SMURF1: variants seen among roughly 807,000 people sequenced by gnomAD.
SMURF1 encodes the protein SMAD specific E3 ubiquitin protein ligase 1, also known as E3 ubiquitin-protein ligase SMURF1.
A neutral mutation model predicts 98.0 loss-of-function variants in SMURF1; 44 were observed. The observed-to-expected ratio is 0.45, with a 90% CI of 0.35 to 0.58. The LOEUF is 0.58. SMURF1 is among the 20% of genes least tolerant of loss of function. The pLI, the probability that SMURF1 is intolerant of heterozygous loss-of-function variation, is 0.00. For synonymous variants in SMURF1, 396 were observed against 374.9 expected, an observed-to-expected ratio of 1.06 and a Z score of -0.65; for missense variants, 687 against 938.4, an observed-to-expected ratio of 0.73 and a Z score of 3.50.
At chr7:99,104,475 CACG>C (rs1242323639) in intron 1 of SMURF1, among the ~76,000 whole-genome samples, 2 of 152,106 alleles carry the variant, frequency 1.3e-5, no homozygotes, top group African/African-American at 4.8e-5. Context: ...CTTACTAACC[CACG>C]TGATCTTGGG....
rs540643661 is a variant in SMURF1 at position 99,134,477 on chromosome 7, T to C, written c.55+9249A>G. On this transcript the variant is annotated intron_variant, in intron 1 of 17. Transcript: ENST00000361368. ...AATTTGTAGGTAATATATGTAGAAA[T>C]AAAATTGAGTAAACTTTGGATTTTT... Among the ~76,000 whole-genome samples the C allele has an allele frequency of 2.0e-5, 3 of 152,240 alleles. No homozygotes were observed. The East Asian group carries it at 5.8e-4, about 29-fold the overall frequency.
intron 1 of SMURF1, among the ~76,000 whole-genome samples, chr7:99,119,003 A>ATTTT (rs67705340): frequency 5.1e-4 from 22 of 42,928 alleles, no homozygotes; most frequent in African/African-American, 1.3e-3. Flanking sequence ...TAACATGCCA[A>ATTTT]TTTTTTTTTT....
intron 1 of SMURF1, among the ~76,000 whole-genome samples, chr7:99,084,778 C>T (rs775313728): frequency 5.9e-5 from 9 of 152,130 alleles, no homozygotes; most frequent in Non-Finnish European, 1.0e-4. Flanking sequence ...GCACAGCTAC[C>T]CTTACTGATA....
intron 1 of SMURF1, among the ~76,000 whole-genome samples, chr7:99,111,376 A>C (rs150397522): frequency 4.6e-5 from 7 of 152,384 alleles, no homozygotes; most frequent in African/African-American, 1.7e-4. Context: ...AGCCACTCTC[A>C]GACATTGCTG....
At chr7:99,036,782 C>T (rs777454534) in intron 15 of SMURF1, among the ~76,000 whole-genome samples, 3 of 152,098 alleles carry the variant, frequency 2.0e-5, no homozygotes, top group Non-Finnish European at 4.4e-5. Context: ...ATGCAATCTC[C>T]CCTGCTAGAG....
At chr7:99,120,165 C>T (rs1430396805) in intron 1 of SMURF1, among the ~76,000 whole-genome samples, 2 of 152,164 alleles carry the variant, frequency 1.3e-5, no homozygotes, top group East Asian at 1.9e-4. Flanking sequence ...CTGTCTTCCG[C>T]TATGATTGGA....
intron 1 of SMURF1, among the ~76,000 whole-genome samples, chr7:99,129,291 G>T (rs2150637341): frequency 6.6e-6 from 1 of 152,270 alleles, no homozygotes; most frequent in African/African-American, 2.4e-5. Context: ...GTTACTATTA[G>T]CTAACACATA....
chr7:99,061,780 AAAAT>A lies in SMURF1; in HGVS notation c.94+15_94+18del. 6.3e-7 allele frequency: 1 copy of A among 1,585,374 alleles called. No individual in the cohort carries two copies. The highest frequency in any genetic ancestry group is 8.6e-7 in the Non-Finnish European group (1 of 1,164,172). The stretch of plus-strand genomic sequence containing the variant: ...CATGCATAACATTATAAGAGGGAAA[AAAAT>A]AAGTGTTTACTTACTGAAGAAGTCT... On this transcript the variant is annotated intron_variant, in intron 2 of 17. Transcript: ENST00000361368.
intron 13 of SMURF1, 45 bp downstream of exon 13, chr7:99,040,333 G>T (rs960311404): frequency 1.4e-6 from 2 of 1,421,592 alleles, no homozygotes; most frequent in Non-Finnish European, 1.9e-6. Flanking sequence ...GATAGACGTG[G>T]TGGTGGGCCC....
At chr7:99,033,301 C>G (rs575604315) in intron 16 of SMURF1, among the ~76,000 whole-genome samples, 180 bp from the exon 17 acceptor site, 10 of 152,262 alleles carry the variant, frequency 6.6e-5, no homozygotes, top group Non-Finnish European at 1.3e-4. Context: ...CAATGGCTAT[C>G]AAAGTGACAA....
chr7:99,082,113 C>T (rs1207562431), intron 1 of SMURF1, among the ~76,000 whole-genome samples: 2 of 152,194 alleles, frequency 1.3e-5, no homozygotes, highest in African/African-American at 2.4e-5. Context: ...AGATCCTTTA[C>T]CCATGTATTA....
chr7:99,113,711 G>A (rs1329773757), intron 1 of SMURF1, among the ~76,000 whole-genome samples: 3 of 151,444 alleles, frequency 2.0e-5, no homozygotes, highest in African/African-American at 7.3e-5. Context: ...GTGGTGGCGG[G>A]GCCTGTGGTC....
chr7:99,033,001 C>T, intron 17 of SMURF1, 36 bp downstream of exon 17: 2 of 1,595,400 alleles, frequency 1.3e-6, no homozygotes, highest in Non-Finnish European at 8.6e-7. Context: ...CTCTGGGGCT[C>T]CCAGGACGCC....
intron 12 of SMURF1, 70 bp from the exon 13 acceptor site, chr7:99,040,626 C>T: frequency 7.5e-7 from 1 of 1,330,446 alleles, no homozygotes; most frequent in Non-Finnish European, 9.7e-7. Context: ...TCGTGCTGTC[C>T]CCAAGCTTCT....
At chr7:99,132,435 G>A (rs1303988104) in intron 1 of SMURF1, among the ~76,000 whole-genome samples, 2 of 152,198 alleles carry the variant, frequency 1.3e-5, no homozygotes, top group African/African-American at 4.8e-5. Context: ...TGACTACCAA[G>A]AGCAGAGACA....
At chr7:99,033,194 G>C in intron 16 of SMURF1, 73 bp from the exon 17 acceptor site, 1 of 1,464,120 alleles carries the variant, frequency 6.8e-7, no homozygotes, top group East Asian at 2.5e-5. Context: ...ACAGCCCCCA[G>C]GAGCAGGGCC....
chr7:99,049,564 T>G lies in SMURF1; in HGVS notation c.952A>C (p.Asn318His). ...CAAAAAATATTTTTAAAGTCTTACT[T>G]CATGATGTGGTGTAACCTTGGGTCT... ...FTDPRLHHIM[N>H]HQCQLKEPSQ... is the part of the protein sequence containing the mutation. Residue 318 changes from asparagine (N) to histidine (H), a missense_variant and splice_region_variant, in exon 9 of 18, where the codon AAT (asparagine) becomes CAT (histidine). Transcript: ENST00000361368. 1 of 1,613,122 alleles carries G rather than the reference T, an allele frequency of 6.2e-7. No individual in the cohort carries two copies.
intron 1 of SMURF1, among the ~76,000 whole-genome samples, chr7:99,109,619 C>G (rs1797276764): frequency 5.3e-5 from 8 of 152,190 alleles, no homozygotes; most frequent in Admixed American, 5.2e-4. Flanking sequence ...TACCCCATTT[C>G]CTTTGTATTT....
intron 1 of SMURF1, among the ~76,000 whole-genome samples, chr7:99,102,847 GAC>G (rs1470927685): frequency 1.3e-5 from 2 of 151,726 alleles, no homozygotes; most frequent in African/African-American, 4.8e-5. Flanking sequence ...TTGTTTTTGA[GAC>G]ACAGTCTCAC....
Sources: allele counts gnomAD v4.1 joint callset (sites outside exome capture counted in the v4.1 genomes callset), GRCh38; gene constraint gnomAD v4.1.1; transcripts MANE v1.5; gene names NCBI Gene and HGNC (gene_info 2026-07-23, HGNC 2026-07-21).